RERE: variants seen among roughly 807,000 people sequenced by gnomAD.
RERE encodes the protein arginine-glutamic acid dipeptide repeats protein.
In RERE, 40 loss-of-function variants were observed where a neutral mutation model predicts 146.1. The ratio of observed to expected loss-of-function variants is 0.27; its 90% CI spans 0.21 to 0.36. The LOEUF (loss-of-function observed/expected upper bound fraction) is 0.36, where lower values mean the gene tolerates loss of function less well. Among genes scored for constraint, RERE ranks in the 10% least tolerant of loss-of-function variants. The probability of loss-of-function intolerance (pLI) is 1.00; values close to 1 mark genes in which losing one functional copy is unlikely to be tolerated. For synonymous variants in RERE, 1,003 were observed against 866.0 expected (o/e 1.16, Z -2.78); for missense variants, 1,933 against 2,138.7 (o/e 0.90, Z 1.90).
intron 11 of RERE, among the ~76,000 whole-genome samples, chr1:8,453,392 G>GTC (rs1165232817): frequency 1.3e-5 from 2 of 152,096 alleles, no homozygotes; most frequent in African/African-American, 4.8e-5. Flanking sequence ...CTTCAACGTG[G>GTC]GAGAGATCAC....
intron 7 of RERE, among the ~76,000 whole-genome samples, chr1:8,523,725 C>G (rs1001135420): frequency 2.6e-5 from 4 of 152,030 alleles, no homozygotes; most frequent in African/African-American, 9.7e-5. Flanking sequence ...AACAGAATAT[C>G]CACAGATCAC....
chr1:8,618,950 A>G (rs1176658776), intron 3 of RERE, among the ~76,000 whole-genome samples: 1 of 152,216 alleles, frequency 6.6e-6, no homozygotes, highest in Non-Finnish European at 1.5e-5. Flanking sequence ...GAAGGCATGA[A>G]TAAAGGGTAG....
intron 1 of RERE, among the ~76,000 whole-genome samples, chr1:8,810,955 A>C (rs1289992071): frequency 6.6e-6 from 1 of 152,176 alleles, no homozygotes; most frequent in East Asian, 1.9e-4. Flanking sequence ...AAAGGAGAAT[A>C]AGACAAATGT....
Position 8,490,177 on chromosome 1 carries a change from G to A in RERE, c.1104+4886C>T, listed in dbSNP as rs551031599. On this transcript the variant is annotated intron_variant, in intron 10 of 22. Coordinates refer to ENST00000400908, the MANE Select transcript of RERE (RefSeq NM_001042681.2). ...AGAGGTCAAGACCATCCTGGCCAAC[G>A]TGGTGAAATCCTGTCTCTACGAAAA... is the stretch of plus-strand genomic sequence containing the variant. Among the ~76,000 whole-genome samples the A allele has an allele frequency of 7.6e-4, 116 of 151,652 alleles. 2 individuals carry two copies. In the South Asian group the frequency reaches 0.012, roughly 16 times the overall value.
rs191361557 is a variant in RERE at position 8,781,596 on chromosome 1, A to G, written c.-145+35564T>C. Among the ~76,000 whole-genome samples, 514 of 151,838 alleles carry G rather than the reference A, an allele frequency of 3.4e-3. 1 individual carries two copies. Among genetic ancestry groups the G allele is most frequent in the Middle Eastern group, 6.8e-3 (2 of 294 alleles). On this transcript the variant is annotated intron_variant, in intron 1 of 22. Coordinates refer to ENST00000400908, the MANE Select transcript of RERE (RefSeq NM_001042681.2). Reference sequence around the variant, plus strand: ...CTTCCTAGCTGAGTTACTTTGGGAAAGTTATTGAATCTCTCCGTGCCTCCA... The same window carrying G: ...CTTCCTAGCTGAGTTACTTTGGGAAGGTTATTGAATCTCTCCGTGCCTCCA...
At chr1:8,557,739 A>C (rs1157084036) in intron 4 of RERE, among the ~76,000 whole-genome samples, 1 of 152,170 alleles carries the variant, frequency 6.6e-6, no homozygotes, top group African/African-American at 2.4e-5. Flanking sequence ...TTACCCCTCT[A>C]AACTGCTTAT....
intron 1 of RERE, among the ~76,000 whole-genome samples, chr1:8,735,970 C>G (rs1413687706): frequency 6.6e-6 from 1 of 152,178 alleles, no homozygotes; most frequent in Admixed American, 6.5e-5. Flanking sequence ...CCATATTCAA[C>G]CACTCTCCTA....
chr1:8,561,512 A>G (rs1179230878), intron 4 of RERE, among the ~76,000 whole-genome samples: 1 of 152,170 alleles, frequency 6.6e-6, no homozygotes, highest in Non-Finnish European at 1.5e-5. Context: ...CCCCAACCCT[A>G]TGAAAAGTGA....
chr1:8,749,994 A>G (rs759312592), intron 1 of RERE, among the ~76,000 whole-genome samples: 1 of 152,014 alleles, frequency 6.6e-6, no homozygotes, highest in Non-Finnish European at 1.5e-5. Flanking sequence ...TCTACTAAAA[A>G]TACAAAAATT....
chr1:8,357,339 C>T (rs1051785714), intron 20 of RERE, among the ~76,000 whole-genome samples: 19 of 152,230 alleles, frequency 1.2e-4, no homozygotes, highest in African/African-American at 3.6e-4. Flanking sequence ...GATATGAGGA[C>T]GGCAATGGTG....
At chr1:8,701,348 T>C (rs1374145341) in intron 1 of RERE, among the ~76,000 whole-genome samples, 1 of 150,724 alleles carries the variant, frequency 6.6e-6, no homozygotes, top group Non-Finnish European at 1.5e-5. Flanking sequence ...CCTCCCTCTC[T>C]CAGGCATTTC....
In RERE at chr1:8,375,036, G is replaced by A. The variant is rs140054300; in HGVS notation, c.1285-9062C>T. ...TTCACTCCTACATCTTTTCATTCCC[G>A]CCTCTGTGCTGGCACAGACAGGCTT... On this transcript the variant is annotated intron_variant, in intron 12 of 22. Transcript: ENST00000400908. Among the ~76,000 whole-genome samples the A allele has an allele frequency of 4.0e-4, 61 of 152,126 alleles. 1 individual carries two copies. The highest frequency in any genetic ancestry group is 3.4e-3 in the Middle Eastern group (1 of 294).
chr1:8,440,142 C>G (rs1644226815), intron 11 of RERE, among the ~76,000 whole-genome samples: 1 of 152,200 alleles, frequency 6.6e-6, no homozygotes, highest in Non-Finnish European at 1.5e-5. Flanking sequence ...AACACCAACT[C>G]TATGCAGCAT....
intron 15 of RERE, 77 bp downstream of exon 15, chr1:8,363,979 C>A (rs9628991): frequency 5.1e-6 from 7 of 1,367,600 alleles, no homozygotes; most frequent in Non-Finnish European, 7.2e-6. Context: ...GCTTCCTCCC[C>A]CTGGGAGGCT....
At position 8,786,052 on chromosome 1, in the gene RERE, C is replaced by A. The variant is rs568186497; in HGVS notation, c.-145+31108G>T. On this transcript the variant is annotated intron_variant, in intron 1 of 22. Coordinates refer to ENST00000400908, the MANE Select transcript of RERE (RefSeq NM_001042681.2). ...ACACTAACCCAGGCCCACAGCACATCCCCTGCAGAGTCTGGCCACACTCCT... is the reference window on the plus strand; with the variant it reads ...ACACTAACCCAGGCCCACAGCACATACCCTGCAGAGTCTGGCCACACTCCT... Among the ~76,000 whole-genome samples, 3 of 152,294 alleles carry A rather than the reference C, an allele frequency of 2.0e-5. No individual in the cohort carries two copies. In the East Asian group the frequency reaches 5.8e-4, roughly 29 times the overall value.
chr1:8,398,929 G>A (rs1268296706), intron 12 of RERE, among the ~76,000 whole-genome samples: 1 of 152,102 alleles, frequency 6.6e-6, no homozygotes, highest in East Asian at 1.9e-4. Context: ...ACTTAGAACT[G>A]ATAAACTTTT....
chr1:8,590,755 T>G (rs1405791877), intron 4 of RERE: 1 of 152,234 alleles, frequency 6.6e-6, no homozygotes, highest in Non-Finnish European at 1.5e-5. Flanking sequence ...CTGGAAAATC[T>G]AGTCCTTGAA....
At position 8,419,430 on chromosome 1, in the gene RERE, G is replaced by T. The variant is rs1279037886; in HGVS notation, c.1284+3297C>A. Among the ~76,000 whole-genome samples, 13 of 152,300 alleles carry T rather than the reference G, an allele frequency of 8.5e-5. No homozygotes were observed. In the South Asian group the frequency reaches 2.7e-3, roughly 32 times the overall value. On this transcript the variant is annotated intron_variant, in intron 12 of 22. Coordinates refer to ENST00000400908, the MANE Select transcript of RERE (RefSeq NM_001042681.2). ...CCAGGAACCCTTCTCTGCTATAACC[G>T]CATGAATGAACTGGTAAGAATGAGG... is the stretch of plus-strand genomic sequence containing the variant.
chr1:8,724,891 C>A (rs2401188), intron 1 of RERE, among the ~76,000 whole-genome samples: 121,587 of 144,208 alleles, frequency 0.84, 51,316 homozygotes, highest in East Asian at 0.95. Context: ...AAAAAAAAAA[C>A]AACTCAACCT....
Sources: gnomAD v4.1 joint callset for allele counts (sites outside exome capture counted in the v4.1 genomes callset) on GRCh38, gnomAD v4.1.1 for gene constraint, MANE v1.5 for transcripts, NCBI Gene and HGNC (gene_info 2026-07-23, HGNC 2026-07-21) for gene names.